The following MOB2 variants were observed in gnomAD, a reference collection of about 807,000 sequenced individuals.
MOB2 encodes the protein MOB kinase activator 2.
Under a neutral mutation model 27.4 loss-of-function variants are expected in MOB2, and 14 were observed. The ratio of observed to expected loss-of-function variants is 0.51; its 90% CI spans 0.34 to 0.80. The LOEUF (loss-of-function observed/expected upper bound fraction) is 0.80, where lower values mean the gene tolerates loss of function less well. Ranked by LOEUF, MOB2 falls within the 30% of genes least tolerant of loss-of-function variation. The pLI, the probability that MOB2 is intolerant of heterozygous loss-of-function variation, is 0.01. For synonymous variants in MOB2, 167 were observed against 151.8 expected (o/e 1.10, Z -0.74); for missense variants, 304 against 354.6 (o/e 0.86, Z 1.15).
At chr11:1,478,779 G>A (rs1299416298) in intron 3 of MOB2, among the ~76,000 whole-genome samples, 1 of 152,142 alleles carries the variant, frequency 6.6e-6, no homozygotes, top group Non-Finnish European at 1.5e-5. Flanking sequence ...CGTCTCCCTA[G>A]GAGTCAGACA....
chr11:1,474,621 G>C (rs1327067525), intron 3 of MOB2, among the ~76,000 whole-genome samples: 2 of 151,964 alleles, frequency 1.3e-5, no homozygotes, highest in Admixed American at 1.3e-4. Flanking sequence ...CCGTTTGTGT[G>C]GGTCTATCTC....
chr11:1,483,587 G>A (rs1283199757), intron 1 of MOB2, among the ~76,000 whole-genome samples: 1 of 152,186 alleles, frequency 6.6e-6, no homozygotes, highest in Non-Finnish European at 1.5e-5. Context: ...CCTCCTCCCT[G>A]CTCTAGATGA....
chr11:1,471,582 C>G, intron 3 of MOB2, 163 bp from the exon 4 acceptor site: 1 of 774,524 alleles, frequency 1.3e-6, no homozygotes, highest in African/African-American at 1.7e-5. Flanking sequence ...TCCCCACACA[C>G]TGTCTGCGGG....
intron 3 of MOB2, among the ~76,000 whole-genome samples, chr11:1,474,320 T>A (rs1847830057): frequency 6.6e-6 from 1 of 152,246 alleles, no homozygotes; most frequent in Admixed American, 6.5e-5. Flanking sequence ...ATCAGTCCTT[T>A]GTGGGATGTG....
chr11:1,485,080 C>T (rs531994682), intron 1 of MOB2, among the ~76,000 whole-genome samples: 4 of 152,240 alleles, frequency 2.6e-5, no homozygotes, highest in Non-Finnish European at 5.9e-5. Context: ...CTCAGCCCCA[C>T]GTGGCCACCA....
At position 1,470,453 on chromosome 11, in the gene MOB2, TCAC is replaced by T; in HGVS notation, c.523_525del (p.Val175del). The T allele has an allele frequency of 6.2e-7, 1 of 1,613,432 alleles. No homozygotes were observed. On this transcript the variant is annotated inframe_deletion, in exon 5 of 5. Coordinates refer to ENST00000329957, the MANE Select transcript of MOB2 (RefSeq NM_001172223.3). ...TGGAACAGGTGTCTGCAGATCTTCC[TCAC>T]CAGGGACTCAAAGGAGCTGGGGAAT...
At chr11:1,485,042 C>A (rs558111301) in intron 1 of MOB2, among the ~76,000 whole-genome samples, 75 of 152,368 alleles carry the variant, frequency 4.9e-4, no homozygotes, top group East Asian at 9.6e-4. Context: ...AACGTCCAAA[C>A]AGGCAGGTGC....
chr11:1,485,510 G>A (rs1299070068), intron 1 of MOB2, among the ~76,000 whole-genome samples: 1 of 152,242 alleles, frequency 6.6e-6, no homozygotes, highest in Admixed American at 6.5e-5. Flanking sequence ...GGGAGATAGG[G>A]AAGGAGCCTA....
Position 1,486,639 on chromosome 11 carries a change from T to G in MOB2, c.-83A>C. 7.0e-5 allele frequency: 62 copies of G among 890,272 alleles called. No individual in the cohort carries two copies. Among genetic ancestry groups the G allele is most frequent in the Non-Finnish European group, 9.3e-5 (53 of 572,452 alleles). The allele number at this position is 890,272 out of a possible 1,614,324, so 55.1% of individuals were successfully genotyped here. ...CTCGCAAATGCCTGCTGCCGGGCCC[T>G]CCAGCCTCACTCCCTGGCCAATGGG... On this transcript the variant is annotated 5_prime_UTR_variant, in exon 1 of 5. Coordinates refer to ENST00000329957, the MANE Select transcript of MOB2 (RefSeq NM_001172223.3).
chr11:1,469,922 G>A lies in MOB2; in HGVS notation c.*250C>T, dbSNP rs772983285. 2.3e-5 allele frequency: 20 copies of A among 852,000 alleles called. No homozygotes were observed. Among genetic ancestry groups the A allele is most frequent in the African/African-American group, 6.7e-5 (4 of 60,000 alleles). 52.8% of individuals were successfully genotyped at this position (852,000 alleles called of 1,614,324 possible). ...AAAACTCAAAGCATCAGTCCCATGC[G>A]TGTCTGCTGAACGAGTGAATGGGCC... On this transcript the variant is annotated 3_prime_UTR_variant, in exon 5 of 5. Transcript: ENST00000329957.
Position 1,486,590 on chromosome 11 carries a change from G to A in MOB2, c.-34C>T. On this transcript the variant is annotated 5_prime_UTR_variant, in exon 1 of 5. Transcript: ENST00000329957. ...GACGGGAAGGTGGGGAGGAGAAGCG[G>A]GGCGGGGTGCCGGCTGGCCAGCACT... The A allele has an allele frequency of 6.8e-7, 1 of 1,462,668 alleles. No homozygotes were observed. Among genetic ancestry groups the A allele is most frequent in the Non-Finnish European group, 9.2e-7 (1 of 1,081,266 alleles). 90.6% of individuals were successfully genotyped at this position (1,462,668 alleles called of 1,614,324 possible).
At chr11:1,483,885 G>A (rs1044989974) in intron 1 of MOB2, among the ~76,000 whole-genome samples, 52 of 152,300 alleles carry the variant, frequency 3.4e-4, no homozygotes, top group East Asian at 1.4e-3. Context: ...CTGGGCTCCC[G>A]TGGAAAACTT....
chr11:1,485,649 A>G (rs1847961819), intron 1 of MOB2, among the ~76,000 whole-genome samples: 1 of 151,694 alleles, frequency 6.6e-6, no homozygotes, highest in South Asian at 2.1e-4. Flanking sequence ...CCACCAGGCA[A>G]CCCCACCCGG....
intron 2 of MOB2, 95 bp downstream of exon 2, chr11:1,480,630 G>A: frequency 6.5e-7 from 1 of 1,530,618 alleles, no homozygotes; most frequent in Non-Finnish European, 8.9e-7. Flanking sequence ...GCGGCAGGGG[G>A]CTGCTGAGCA....
intron 3 of MOB2, among the ~76,000 whole-genome samples, chr11:1,477,045 C>T (rs1471661729): frequency 6.6e-6 from 1 of 152,100 alleles, no homozygotes; most frequent in Non-Finnish European, 1.5e-5. Flanking sequence ...GATGGGTGTT[C>T]TGCTGTTGAG....
rs575815073 is a variant in MOB2 at position 1,485,297 on chromosome 11, G to GGCAC, written c.110+1146_110+1149dup. 6.2e-4 allele frequency among the ~76,000 whole-genome samples: 95 copies of GGCAC among 152,272 alleles called. 4 individuals carry two copies. The South Asian group carries it at 0.019, about 31-fold the overall frequency. On this transcript the variant is annotated intron_variant, in intron 1 of 4. Coordinates refer to ENST00000329957, the MANE Select transcript of MOB2 (RefSeq NM_001172223.3). ...AGACACACAAGCACACACTGGCACA[G>GGCAC]GCACACACACACACACGCCAGTCCC...
intron 1 of MOB2, among the ~76,000 whole-genome samples, chr11:1,482,362 C>CCT (rs1371052139): frequency 2.4e-4 from 36 of 152,362 alleles, no homozygotes; most frequent in South Asian, 8.3e-4. Flanking sequence ...GGCTGCCCTA[C>CCT]TGGCAGTTCC....
At chr11:1,482,607 G>C (rs1847926893) in intron 1 of MOB2, among the ~76,000 whole-genome samples, 1 of 152,206 alleles carries the variant, frequency 6.6e-6, no homozygotes, top group South Asian at 2.1e-4. Context: ...CTCCAGGCTG[G>C]GCCTCCCCGA....
chr11:1,481,704 A>C (rs1204439264), intron 1 of MOB2: 1 of 73,180 alleles, frequency 1.4e-5, no homozygotes, highest in Non-Finnish European at 2.7e-5. Context: ...GGCAGGGAGC[A>C]GGGGCAGGAG....
Sources: allele counts gnomAD v4.1 joint callset (sites outside exome capture counted in the v4.1 genomes callset), GRCh38; gene constraint gnomAD v4.1.1; transcripts MANE v1.5; gene names NCBI Gene and HGNC (gene_info 2026-07-23, HGNC 2026-07-21).